Variants in TTC27 observed in about 807,000 individuals in gnomAD.
The protein encoded by TTC27 is tetratricopeptide repeat domain 27.
TTC27 carries 79 observed loss-of-function variants against 115.9 expected under a neutral mutation model. The ratio of observed to expected loss-of-function variants is 0.68; its 90% confidence interval spans 0.57 to 0.82. The LOEUF (loss-of-function observed/expected upper bound fraction) is 0.82. Among genes scored for constraint, TTC27 ranks in the 40% least tolerant of loss-of-function variants. TTC27 has a pLI of 0.00. For missense variants in TTC27, 1,054 were observed against 993.1 expected (o/e 1.06, Z -0.82); for synonymous variants, 401 against 356.0 (o/e 1.13, Z -1.42).
In TTC27 at chr2:32,777,948, G is replaced by T; in HGVS notation, c.1747G>T (p.Ala583Ser). 1 of 1,613,974 alleles carries T rather than the reference G, an allele frequency of 6.2e-7. No homozygotes were observed. The highest frequency in any genetic ancestry group is 1.6e-4 in the Middle Eastern group (1 of 6,062). Residue 583 changes from alanine (A) to serine (S), a missense_variant, in exon 14 of 20, where the codon GCA becomes TCA. Ala to Ser is a moderately conservative substitution (Grantham distance 99). Coordinates refer to ENST00000317907, the MANE Select transcript of TTC27 (RefSeq NM_017735.5). ...ALEDYQGSAK[A>S]FQRCVTLEPD... ...GGAAGACTATCAAGGTTCAGCAAAG[G>T]CATTTCAGCGCTGTGTGACTCTAGA...
In TTC27 at chr2:32,739,146, A is replaced by T. The variant is rs1365342607; in HGVS notation, c.1452+2330A>T. Among the ~76,000 whole-genome samples, 4 of 152,334 alleles carry T rather than the reference A, an allele frequency of 2.6e-5. No homozygotes were observed. In the East Asian group the frequency reaches 7.7e-4, roughly 29 times the overall value. ...TAAAGTAGTACTCAGATGTTTGTTT[A>T]ACAAAGGAATGAATGGATGAATGAA... On this transcript the variant is annotated intron_variant, in intron 12 of 19. Transcript: ENST00000317907.
At chr2:32,659,440 C>T (rs1412480078) in intron 5 of TTC27, among the ~76,000 whole-genome samples, 2 of 150,126 alleles carry the variant, frequency 1.3e-5, no homozygotes, top group East Asian at 2.0e-4. Flanking sequence ...TGGTTCTAAC[C>T]AGTTTCTTTG....
intron 10 of TTC27, among the ~76,000 whole-genome samples, chr2:32,718,385 T>C (rs1338553122): frequency 1.3e-5 from 2 of 152,332 alleles, no homozygotes; most frequent in East Asian, 3.9e-4. Context: ...AGTCCATTCA[T>C]AAAATTTTTT....
At chr2:32,759,313 G>A (rs1349437716) in intron 13 of TTC27, among the ~76,000 whole-genome samples, 1 of 152,184 alleles carries the variant, frequency 6.6e-6, no homozygotes, top group Non-Finnish European at 1.5e-5. Context: ...AGTGACTAAT[G>A]TTCACCAAGC....
intron 5 of TTC27, among the ~76,000 whole-genome samples, chr2:32,658,483 A>C (rs1278402173): frequency 6.6e-6 from 1 of 152,246 alleles, no homozygotes; most frequent in African/African-American, 2.4e-5. Flanking sequence ...TGAGAATTAA[A>C]TAACGCAACA....
At chr2:32,672,759 T>G (rs1666057739) in intron 8 of TTC27, among the ~76,000 whole-genome samples, 2 of 152,264 alleles carry the variant, frequency 1.3e-5, no homozygotes, top group African/African-American at 4.8e-5. Context: ...GGAAATAGTT[T>G]TAACTTTTTT....
intron 5 of TTC27, among the ~76,000 whole-genome samples, chr2:32,650,699 G>A (rs529419538): frequency 1.4e-3 from 213 of 152,146 alleles, no homozygotes; most frequent in African/African-American, 4.9e-3. Context: ...CAAGAAAAGC[G>A]TAAGAAAACA....
At chr2:32,750,687 G>A (rs373280106) in intron 12 of TTC27, among the ~76,000 whole-genome samples, 21 of 152,228 alleles carry the variant, frequency 1.4e-4, no homozygotes, top group African/African-American at 2.9e-4. Flanking sequence ...TTCTTCAAAC[G>A]GGGGTTTAGA....
At position 32,666,680 on chromosome 2, in the gene TTC27, A is replaced by T; in HGVS notation, c.851A>T (p.Gln284Leu). The change falls in exon 7 of 20, where the codon CAA becomes CTA. Residue 284 changes from glutamine (Q) to leucine (L), a missense_variant. By Grantham distance (113) the Gln-to-Leu change is moderately radical. Coordinates refer to ENST00000317907, the MANE Select transcript of TTC27 (RefSeq NM_017735.5). ...CGGTTCCAGGAAAATTATGTGGCACAACTGATTCTAGATGTAAGAAGGGAA... is the reference window on the plus strand; with the variant it reads ...CGGTTCCAGGAAAATTATGTGGCACTACTGATTCTAGATGTAAGAAGGGAA... The part of the protein sequence containing the change: ...RTRFQENYVA[Q>L]LILDVRREGD... 3 of 1,614,072 alleles carry T rather than the reference A, an allele frequency of 1.9e-6. No homozygotes were observed. Among genetic ancestry groups the T allele is most frequent in the Non-Finnish European group, 2.5e-6 (3 of 1,179,966 alleles).
intron 13 of TTC27, among the ~76,000 whole-genome samples, chr2:32,765,633 C>G (rs532551781): frequency 6.6e-6 from 1 of 152,164 alleles, no homozygotes; most frequent in Non-Finnish European, 1.5e-5. Context: ...TATGAAAGTC[C>G]TAGATGACAT....
At chr2:32,800,712 A>T (rs1670895879) in intron 16 of TTC27, among the ~76,000 whole-genome samples, 1 of 150,500 alleles carries the variant, frequency 6.6e-6, no homozygotes, top group Admixed American at 6.6e-5. Flanking sequence ...GTTGGCCAGG[A>T]TGATCTCAAA....
At chr2:32,707,983 G>T (rs562533523) in intron 10 of TTC27, among the ~76,000 whole-genome samples, 1 of 152,126 alleles carries the variant, frequency 6.6e-6, no homozygotes, top group East Asian at 1.9e-4. Flanking sequence ...AAGAAATGAG[G>T]TATGTCAAAA....
At chr2:32,697,001 C>A (rs1232438032) in intron 9 of TTC27, among the ~76,000 whole-genome samples, 1 of 152,014 alleles carries the variant, frequency 6.6e-6, no homozygotes, top group Non-Finnish European at 1.5e-5. Context: ...GAGTTCGAGA[C>A]CCGCCTGGGT....
intron 12 of TTC27, among the ~76,000 whole-genome samples, chr2:32,740,473 G>T (rs1668594291): frequency 1.4e-5 from 2 of 146,592 alleles, no homozygotes; most frequent in African/African-American, 2.5e-5. Context: ...TTCTATCATA[G>T]AGATTCTTTA....
chr2:32,634,350 A>G (rs1664330992), intron 3 of TTC27, among the ~76,000 whole-genome samples: 3 of 151,666 alleles, frequency 2.0e-5, no homozygotes, highest in South Asian at 4.2e-4. Context: ...GCTGTTGTAC[A>G]GTGGCTGGAT....
intron 16 of TTC27, among the ~76,000 whole-genome samples, chr2:32,806,052 A>G (rs1474736222): frequency 6.6e-6 from 1 of 152,190 alleles, no homozygotes; most frequent in Non-Finnish European, 1.5e-5. Context: ...CCCTGTGGCT[A>G]TATCTTGGGT....
At chr2:32,652,601 T>C (rs1665170336) in intron 5 of TTC27, among the ~76,000 whole-genome samples, 2 of 152,220 alleles carry the variant, frequency 1.3e-5, no homozygotes, top group Non-Finnish European at 2.9e-5. Flanking sequence ...GAATTTTTTA[T>C]GTTGCTGTTC....
intron 2 of TTC27, among the ~76,000 whole-genome samples, chr2:32,631,895 C>G (rs1488250871): frequency 1.3e-5 from 2 of 151,424 alleles, no homozygotes; most frequent in Non-Finnish European, 2.9e-5. Flanking sequence ...ACTGCAACCT[C>G]CGCCTCCCAA....
Position 32,630,664 on chromosome 2 carries a change from T to A in TTC27, c.230T>A (p.Phe77Tyr). The change falls in exon 2 of 20, where the codon TTC becomes TAC. Residue 77 changes from phenylalanine to tyrosine, a missense_variant. Coordinates refer to ENST00000317907, the MANE Select transcript of TTC27 (RefSeq NM_017735.5). Reference sequence around the variant, plus strand: ...TACCTGGAGAAGCAGGTAGTAACATTCCTGGATTACTCAACAGATTTGGAC... The same window carrying A: ...TACCTGGAGAAGCAGGTAGTAACATACCTGGATTACTCAACAGATTTGGAC... ...DSYLEKQVVT[F>Y]LDYSTDLDTT... The A allele has an allele frequency of 1.2e-6, 2 of 1,612,630 alleles. No homozygotes were observed. Among genetic ancestry groups the A allele is most frequent in the Non-Finnish European group, 8.5e-7 (1 of 1,179,620 alleles).
Sources: allele counts gnomAD v4.1 joint callset (sites outside exome capture counted in the v4.1 genomes callset), GRCh38; gene constraint gnomAD v4.1.1; transcripts MANE v1.5; gene names NCBI Gene and HGNC (gene_info 2026-07-23, HGNC 2026-07-21).